Variants in CHN1 observed in about 807,000 individuals in gnomAD.
CHN1 encodes chimerin 1, also known as N-chimaerin.
CHN1 carries 37 observed loss-of-function variants against 59.5 expected under a neutral mutation model. That is an observed-to-expected ratio of 0.62 (90% CI 0.48 to 0.82). The LOEUF (loss-of-function observed/expected upper bound fraction) is 0.82, where lower values mean the gene tolerates loss of function less well. CHN1 is among the 40% of genes least tolerant of loss of function. The pLI is 0.00. For synonymous variants in CHN1, 206 were observed against 200.4 expected (o/e 1.03, Z -0.24); for missense variants, 469 against 571.0 (o/e 0.82, Z 1.82).
At chr2:174,811,335 A>G in intron 10 of CHN1, 176 bp downstream of exon 10, 1 of 509,476 alleles carries the variant, frequency 2.0e-6, no homozygotes, top group Non-Finnish European at 3.5e-6. Flanking sequence ...CTGAAATTTG[A>G]CTGTTTAATA....
chr2:174,905,061 AAGAGT>A (rs1688505311), intron 5 of CHN1, among the ~76,000 whole-genome samples: 1 of 152,226 alleles, frequency 6.6e-6, no homozygotes, highest in South Asian at 2.1e-4. Flanking sequence ...TAATGCCTGG[AAGAGT>A]AAAGATTTGG....
At chr2:174,869,951 G>C (rs1401529106) in intron 6 of CHN1, among the ~76,000 whole-genome samples, 2 of 152,002 alleles carry the variant, frequency 1.3e-5, no homozygotes, top group Non-Finnish European at 2.9e-5. Context: ...GTTTTTGGAG[G>C]GAAATTTTAC....
chr2:174,823,720 T>C (rs569857460), intron 8 of CHN1, among the ~76,000 whole-genome samples: 7 of 152,250 alleles, frequency 4.6e-5, no homozygotes, highest in African/African-American at 1.4e-4. Context: ...TTCAGTATAG[T>C]TGCTCTATAC....
At chr2:174,963,260 G>A (rs1314954076) in intron 1 of CHN1, among the ~76,000 whole-genome samples, 1 of 152,126 alleles carries the variant, frequency 6.6e-6, no homozygotes, top group Admixed American at 6.5e-5. Context: ...TAAAGTAAGA[G>A]TAATAGAAGT....
chr2:174,952,800 T>A (rs1296271939), intron 1 of CHN1, among the ~76,000 whole-genome samples: 5 of 152,200 alleles, frequency 3.3e-5, no homozygotes, highest in African/African-American at 1.2e-4. Context: ...ACAACGAACA[T>A]GAGGTGAACA....
chr2:174,916,345 A>T (rs1274881599), intron 4 of CHN1, among the ~76,000 whole-genome samples: 1 of 152,156 alleles, frequency 6.6e-6, no homozygotes. Flanking sequence ...TAGTATTAAA[A>T]ATTAACAAAT....
intron 5 of CHN1, among the ~76,000 whole-genome samples, chr2:174,893,754 G>C (rs1688124409): frequency 6.6e-6 from 1 of 152,158 alleles, no homozygotes; most frequent in Non-Finnish European, 1.5e-5. Context: ...CAAAGCTACA[G>C]TAATCAAAGT....
At chr2:175,004,775 G>T in intron 1 of CHN1, 119 bp downstream of exon 1, 1 of 402,280 alleles carries the variant, frequency 2.5e-6, no homozygotes, top group Non-Finnish European at 3.4e-6. Context: ...TGCGGCCCCG[G>T]CCCGCCCCGA....
At chr2:174,892,214 T>C (rs978447834) in intron 5 of CHN1, among the ~76,000 whole-genome samples, 1 of 152,192 alleles carries the variant, frequency 6.6e-6, no homozygotes, top group Admixed American at 6.5e-5. Context: ...TTCTAAAAAT[T>C]TGAAGAGGAA....
intron 3 of CHN1, among the ~76,000 whole-genome samples, chr2:174,920,223 T>G (rs933901401): frequency 6.6e-6 from 1 of 152,204 alleles, no homozygotes; most frequent in African/African-American, 2.4e-5. Flanking sequence ...TTTTTATCCA[T>G]TCATTCACTG....
Position 174,824,436 on chromosome 2 carries a change from G to A in CHN1, c.710C>T (p.Ala237Val). 6.2e-7 allele frequency: 1 copy of A among 1,600,460 alleles called. No homozygotes were observed. Among genetic ancestry groups the A allele is most frequent in the Non-Finnish European group, 8.5e-7 (1 of 1,173,104 alleles). ...AGAGACAAGACAAGAGCTCTTACCT[G>A]CACATTTCACTCCCTGAGCAATGAG... ...WGLIAQGVKC[A>V]DCGLNVHKQC... The change falls in exon 8 of 13, where the codon GCA becomes GTA. Residue 237 changes from alanine to valine, a missense_variant and splice_region_variant. Around this residue, in one of 5 missense-constraint regions of CHN1, gnomAD observed 225 missense variants for 289.9 expected, o/e 0.78. Transcript: ENST00000409900.
At chr2:174,866,565 A>G (rs1377976978) in intron 6 of CHN1, among the ~76,000 whole-genome samples, 1 of 152,212 alleles carries the variant, frequency 6.6e-6, no homozygotes, top group Non-Finnish European at 1.5e-5. Context: ...GGAATTCACT[A>G]TTCACATTGA....
chr2:174,920,926 G>A (rs1489054556), intron 3 of CHN1: 3 of 424,590 alleles, frequency 7.1e-6, no homozygotes, highest in Non-Finnish European at 9.6e-6. Flanking sequence ...TGGGGGTGAT[G>A]GGAGACAGTG....
chr2:174,988,734 T>C (rs1691437442), intron 1 of CHN1, among the ~76,000 whole-genome samples: 1 of 152,214 alleles, frequency 6.6e-6, no homozygotes, highest in African/African-American at 2.4e-5. Flanking sequence ...AAATACAGTA[T>C]GAAATATACC....
intron 1 of CHN1, among the ~76,000 whole-genome samples, chr2:175,004,215 C>T (rs755768591): frequency 1.7e-4 from 26 of 152,116 alleles, no homozygotes; most frequent in Non-Finnish European, 3.4e-4. Context: ...GAGAAAAAAA[C>T]AGCTTGAAGT....
intron 5 of CHN1, among the ~76,000 whole-genome samples, chr2:174,886,762 C>G (rs1687907529): frequency 6.6e-6 from 1 of 152,050 alleles, no homozygotes; most frequent in Non-Finnish European, 1.5e-5. Context: ...AAGTACATGC[C>G]TTAGGTTTAG....
chr2:174,820,637 G>C (rs1685453736), intron 8 of CHN1, among the ~76,000 whole-genome samples: 1 of 152,190 alleles, frequency 6.6e-6, no homozygotes, highest in South Asian at 2.1e-4. Flanking sequence ...AATAGCCCGT[G>C]TAATGTAATG....
At chr2:174,995,669 G>T (rs1016541553) in intron 1 of CHN1, among the ~76,000 whole-genome samples, 2 of 152,196 alleles carry the variant, frequency 1.3e-5, no homozygotes, top group Non-Finnish European at 2.9e-5. Flanking sequence ...CTTGTCTGCT[G>T]CTCACCTGCT....
chr2:174,911,697 C>T (rs1157276593), intron 5 of CHN1, among the ~76,000 whole-genome samples: 2 of 152,174 alleles, frequency 1.3e-5, no homozygotes, highest in Non-Finnish European at 2.9e-5. Flanking sequence ...TGACAGCACA[C>T]ATACAATACA....
Sources: allele counts gnomAD v4.1 joint callset (sites outside exome capture counted in the v4.1 genomes callset), GRCh38; gene constraint gnomAD v4.1.1; regional missense constraint gnomAD v4.1.1; transcripts MANE v1.5; gene names NCBI Gene and HGNC (gene_info 2026-07-23, HGNC 2026-07-21).